The following MAP4K1 variants were observed in gnomAD, a reference collection of about 807,000 sequenced individuals.
MAP4K1 encodes the protein mitogen-activated protein kinase kinase kinase kinase 1.
In MAP4K1, 35 loss-of-function variants were observed where a neutral mutation model predicts 122.8. That is an observed-to-expected ratio of 0.29 (90% CI 0.22 to 0.38). The LOEUF (loss-of-function observed/expected upper bound fraction) is 0.38. Ranked by LOEUF, MAP4K1 falls within the 10% of genes least tolerant of loss-of-function variation. The probability of loss-of-function intolerance (pLI) is 1.00; values close to 1 mark genes in which losing one functional copy is unlikely to be tolerated. For synonymous variants in MAP4K1, 412 were observed against 421.3 expected, an observed-to-expected ratio of 0.98 and a Z score of 0.27; for missense variants, 791 against 1,072.6, an observed-to-expected ratio of 0.74 and a Z score of 3.67.
At chr19:38,602,748 A>G (rs1423112053) in intron 19 of MAP4K1, among the ~76,000 whole-genome samples, 2 of 148,598 alleles carry the variant, frequency 1.3e-5, no homozygotes, top group Non-Finnish European at 3.0e-5. Flanking sequence ...ATATATACAC[A>G]TGTACATATA....
At chr19:38,595,086 A>T (rs1410924976) in intron 29 of MAP4K1, among the ~76,000 whole-genome samples, 2 of 151,820 alleles carry the variant, frequency 1.3e-5, no homozygotes, top group African/African-American at 4.8e-5. Context: ...AGAGTTCAAG[A>T]CCATCCAGCC....
In MAP4K1 at chr19:38,614,274, A is replaced by G. The variant is rs770745646; in HGVS notation, c.388T>C (p.Ser130Pro). The G allele has an allele frequency of 6.2e-7, 1 of 1,613,818 alleles. No homozygotes were observed. The highest frequency in any genetic ancestry group is 8.5e-7 in the Non-Finnish European group (1 of 1,179,964). ...EVLQGLAYLH[S>P]QKKIHRDIKG... ...ATGTCCCTGTGTATCTTCTTCTGTG[A>G]GTGCAAATAGGCCAGTCCCTGGGGA... The change falls in exon 6 of 31, where the codon TCA becomes CCA. Residue 130 changes from serine (S) to proline (P), a missense_variant. Ser to Pro is a moderately conservative substitution (Grantham distance 74). Coordinates refer to ENST00000396857, the MANE Select transcript of MAP4K1 (RefSeq NM_001042600.3).
intron 20 of MAP4K1, among the ~76,000 whole-genome samples, chr19:38,601,002 TAC>T (rs1975045172): frequency 6.6e-6 from 1 of 151,892 alleles, no homozygotes; most frequent in African/African-American, 2.4e-5. Flanking sequence ...GACGAGGTTT[TAC>T]CACGTTGGCC....
At chr19:38,596,182 A>C (rs1036046435) in intron 26 of MAP4K1, 130 bp downstream of exon 26, 39 of 1,353,266 alleles carry the variant, frequency 2.9e-5, no homozygotes, top group Middle Eastern at 4.0e-4. Flanking sequence ...AAAACCTGCC[A>C]TTCTCCCTTC....
At chr19:38,611,841 T>C (rs1056396977) in intron 9 of MAP4K1, among the ~76,000 whole-genome samples, 1 of 149,046 alleles carries the variant, frequency 6.7e-6, no homozygotes, top group Non-Finnish European at 1.5e-5. Context: ...GCTCACACCT[T>C]TAATCCCAGC....
At chr19:38,609,867 G>A (rs1413611822) in intron 12 of MAP4K1, 42 bp downstream of exon 12, 6 of 1,552,618 alleles carry the variant, frequency 3.9e-6, no homozygotes, top group Non-Finnish European at 5.3e-6. Flanking sequence ...GCCTGAGAAA[G>A]ACCGAGAGGT....
At chr19:38,599,765 G>T (rs1433491710) in intron 22 of MAP4K1, among the ~76,000 whole-genome samples, 160 bp downstream of exon 22, 3 of 152,164 alleles carry the variant, frequency 2.0e-5, no homozygotes, top group African/African-American at 4.8e-5. Flanking sequence ...AGAAATTGAG[G>T]CTTGGGGAGC....
chr19:38,614,890 C>G (rs1975602148), intron 4 of MAP4K1: 1 of 140,116 alleles, frequency 7.1e-6, no homozygotes. Context: ...CCACTGCACT[C>G]CAGCCTGGGC....
At chr19:38,614,474 C>A (rs1377170746) in intron 4 of MAP4K1, 29 bp from the exon 5 acceptor site, 2 of 1,613,450 alleles carry the variant, frequency 1.2e-6, no homozygotes, top group Non-Finnish European at 1.7e-6. Flanking sequence ...CCAGGCCAGG[C>A]ATTGGATGGG....
At position 38,597,557 on chromosome 19, in the gene MAP4K1, G is replaced by A; in HGVS notation, c.1707C>T (p.Gly569=). The change falls in exon 23 of 31, where the codon GGC becomes GGT. Residue 569 remains glycine (G), a synonymous_variant. Coordinates refer to ENST00000396857, the MANE Select transcript of MAP4K1 (RefSeq NM_001042600.3). This position sits in a 1 kb window ranked among gnomAD's most constrained non-coding sequence, Gnocchi z 4.6. ...CTCTGGTCTCTTTCCGTTCCAGCAG[G>A]CCAAGGATGCTATGAGAATACAGGT... ...TPHLYSHSIL[G]LLERKETRAG... 3 of 1,613,714 alleles carry A rather than the reference G, an allele frequency of 1.9e-6. No individual in the cohort carries two copies. Among genetic ancestry groups the A allele is most frequent in the South Asian group, 1.1e-5 (1 of 91,032 alleles).
chr19:38,607,905 T>C lies in MAP4K1; in HGVS notation c.1116A>G (p.Gln372=). The C allele has an allele frequency of 6.2e-7, 1 of 1,612,452 alleles. No individual in the cohort carries two copies. The highest frequency in any genetic ancestry group is 1.1e-5 in the South Asian group (1 of 90,692). The part of the protein sequence containing the change: ...RDLRSSSPRK[Q]LSESSDDDYD... ...AGTCATCGTCAGACGACTCTGACAG[T>C]TGCTTCCTGAAGGGTGACAGGTATG... The change falls in exon 16 of 31, where the codon CAA becomes CAG. Residue 372 remains glutamine, a synonymous_variant. Coordinates refer to ENST00000396857, the MANE Select transcript of MAP4K1 (RefSeq NM_001042600.3).
At chr19:38,611,741 C>G (rs1291250593) in intron 9 of MAP4K1, among the ~76,000 whole-genome samples, 2 of 152,144 alleles carry the variant, frequency 1.3e-5, no homozygotes, top group Non-Finnish European at 2.9e-5. Flanking sequence ...GATCGTGCCG[C>G]TGCACTCCAG....
At chr19:38,602,965 CAT>C in intron 19 of MAP4K1, among the ~76,000 whole-genome samples, 1 of 130,366 alleles carries the variant, frequency 7.7e-6, no homozygotes, top group Non-Finnish European at 1.6e-5. Flanking sequence ...CACATATACA[CAT>C]GCACATATAT....
At position 38,610,039 on chromosome 19, in the gene MAP4K1, G is replaced by T. The variant is rs766751573; in HGVS notation, c.811-14C>A. On this transcript the variant is annotated splice_polypyrimidine_tract_variant and intron_variant, in intron 11 of 30. Coordinates refer to ENST00000396857, the MANE Select transcript of MAP4K1 (RefSeq NM_001042600.3). Reference sequence around the variant, plus strand: ...TACCAGTTGATGCTGGCGGAGGGAAGAGGTGTCCGTATCCAGAGGGATGGT... The same window carrying T: ...TACCAGTTGATGCTGGCGGAGGGAATAGGTGTCCGTATCCAGAGGGATGGT... 1.9e-6 allele frequency: 3 copies of T among 1,575,502 alleles called. No homozygotes were observed. The Admixed American group carries it at 5.0e-5, about 26-fold the overall frequency.
At chr19:38,590,177 A>G (rs1411742607) in intron 30 of MAP4K1, among the ~76,000 whole-genome samples, 5 of 151,646 alleles carry the variant, frequency 3.3e-5, no homozygotes, top group Admixed American at 1.3e-4. Context: ...TGAGAAAGAC[A>G]TCTTTCTGCA....
At position 38,617,832 on chromosome 19, in the gene MAP4K1, G is replaced by T; in HGVS notation, c.64C>A (p.Arg22=). The T allele has an allele frequency of 6.2e-7, 1 of 1,614,146 alleles. No homozygotes were observed. ...TCCCCATACGTGCCGCCACCCAGCC[G>T]CTGTAGCAGGTCATAGTGGTCCCGG... ...DPRDHYDLLQ[R]LGGGTYGEVF... The change falls in exon 1 of 31, where the codon CGG becomes AGG. Residue 22 remains arginine, a synonymous_variant. Coordinates refer to ENST00000396857, the MANE Select transcript of MAP4K1 (RefSeq NM_001042600.3). The surrounding 1 kb of genome is among the most constrained non-coding windows in gnomAD (Gnocchi z 4.1).
chr19:38,616,533 C>G (rs1975652482), intron 3 of MAP4K1, among the ~76,000 whole-genome samples: 1 of 152,104 alleles, frequency 6.6e-6, no homozygotes, highest in Admixed American at 6.6e-5. Context: ...CCACGCCAAC[C>G]TAGGAGGCAG....
intron 30 of MAP4K1, among the ~76,000 whole-genome samples, chr19:38,590,384 AAAAAAAAAAAATATAT>A (rs1352136296): frequency 1.4e-5 from 1 of 73,596 alleles, no homozygotes; most frequent in African/African-American, 6.5e-5. Context: ...AAAAAAAAAA[AAAAAAAAAAAATATAT>A]ATATATATAT....
At chr19:38,602,631 T>C (rs935856062) in intron 19 of MAP4K1, among the ~76,000 whole-genome samples, 6 of 144,996 alleles carry the variant, frequency 4.1e-5, no homozygotes, top group African/African-American at 1.6e-4. Context: ...TATACATATA[T>C]ATACACACCT....
Sources: gnomAD v4.1 joint callset for allele counts (sites outside exome capture counted in the v4.1 genomes callset) on GRCh38, gnomAD v4.1.1 for gene constraint, Gnocchi (gnomAD v3.1) non-coding constraint, MANE v1.5 for transcripts, NCBI Gene and HGNC (gene_info 2026-07-23, HGNC 2026-07-21) for gene names.